GPR35: variants seen among roughly 807,000 people sequenced by gnomAD.
The protein encoded by GPR35 is KYNA receptor.
For missense variants in GPR35, 372 were observed against 422.5 expected (o/e 0.88, Z 1.05); for synonymous variants, 207 against 198.4 (o/e 1.04, Z -0.36).
intron 1 of GPR35, chr2:240,628,599 C>T (rs111471799): frequency 0.017 from 2,565 of 152,366 alleles, 36 homozygotes; most frequent in Non-Finnish European, 0.024. Context: ...TGGGGAAATG[C>T]GTCCCAGCAC....
chr2:240,630,817 C>T lies in GPR35; in HGVS notation c.865C>T (p.Leu289=). The T allele has an allele frequency of 6.2e-7, 1 of 1,613,310 alleles. No homozygotes were observed. The highest frequency in any genetic ancestry group is 1.1e-5 in the South Asian group (1 of 91,086). ...MAKEFQEASA[L]AVAPSAKAHK... is the part of the protein sequence containing the mutation. ...CAAGGAGTTCCAGGAGGCGTCTGCA[C>T]TGGCCGTGGCTCCCAGTGCTAAGGC... The change falls in exon 2 of 2, where the codon CTG becomes TTG. Residue 289 remains leucine (L), a synonymous_variant. Coordinates refer to ENST00000407714, the MANE Select transcript of GPR35 (RefSeq NM_005301.5).
At chr2:240,629,290 G>A (rs924784264) in intron 1 of GPR35, 3 of 152,590 alleles carry the variant, frequency 2.0e-5, no homozygotes, top group South Asian at 4.1e-4. Flanking sequence ...CTGATCCCAG[G>A]TGTGGGACTG....
rs143712491 is a variant in GPR35, at chr2:240,630,358, G to A, written c.406G>A (p.Val136Met). The A allele has an allele frequency of 4.9e-5, 78 of 1,606,058 alleles. No homozygotes were observed. The African/African-American group carries it at 5.9e-4, about 12-fold the overall frequency. Residue 136 changes from valine to methionine, a missense_variant, in exon 2 of 2, where the codon GTG becomes ATG. Val to Met is a conservative substitution (Grantham distance 21). Transcript: ENST00000407714. ...GCGGTCCCCCAGGCAGGCTGCGGCC[G>A]TGTGCGCGGTCCTCTGGGTGCTGGT... is the stretch of plus-strand genomic sequence containing the variant. ...GLRSPRQAAAVCAVLWVLVIG... is the reference protein window; with the variant it reads ...GLRSPRQAAAMCAVLWVLVIG...
chr2:240,620,119 G>GGCA (rs1337725232), intron 5 of GPR35, among the ~76,000 whole-genome samples: 2 of 152,156 alleles, frequency 1.3e-5, no homozygotes, highest in Admixed American at 1.3e-4. Flanking sequence ...ACCTGGCTGG[G>GGCA]GCAGCACCCA....
chr2:240,631,405 A>C lies in GPR35; in HGVS notation c.*523A>C. ...GACCCTTTCACCCCTTCCCACCCCC[A>C]CCCACCTGGAGCGTGAGCAGGGGCT... On this transcript the variant is annotated 3_prime_UTR_variant, in exon 2 of 2. Transcript: ENST00000407714. The C allele has an allele frequency of 6.2e-6, 1 of 160,074 alleles. No homozygotes were observed. Among genetic ancestry groups the C allele is most frequent in the Non-Finnish European group, 1.4e-5 (1 of 71,354 alleles). The allele number at this position is 160,074 out of a possible 1,614,324, so 9.9% of individuals were successfully genotyped here.
chr2:240,629,636 G>T, intron 1 of GPR35: 1 of 294,502 alleles, frequency 3.4e-6, no homozygotes, highest in Admixed American at 4.6e-5. Context: ...CTGGAGGGTA[G>T]GGCTTGCTGG....
intron 5 of GPR35, chr2:240,619,088 T>C (rs1460813680): frequency 1.5e-5 from 10 of 688,466 alleles, no homozygotes; most frequent in South Asian, 1.4e-4. Flanking sequence ...CATCTCTAAT[T>C]TGGCTAAAGA....
rs1339230270 is a variant in GPR35, at chr2:240,630,889, T to TGCTGTGGGC, written c.*17_*25dup. 5.0e-6 allele frequency: 8 copies of TGCTGTGGGC among 1,603,418 alleles called. No individual in the cohort carries two copies. Among genetic ancestry groups the TGCTGTGGGC allele is most frequent in the South Asian group, 1.1e-5 (1 of 90,922 alleles). On this transcript the variant is annotated 3_prime_UTR_variant, in exon 2 of 2. Coordinates refer to ENST00000407714, the MANE Select transcript of GPR35 (RefSeq NM_005301.5). Reference sequence around the variant, plus strand: ...GTGCGTGACCCTCGCCTAAGAGGCGTGCTGTGGGCGCTGTGGGCCAGGTCT... The same window carrying TGCTGTGGGC: ...GTGCGTGACCCTCGCCTAAGAGGCGTGCTGTGGGCGCTGTGGGCGCTGTGGGCCAGGTCT...
intron 2 of GPR35, among the ~76,000 whole-genome samples, chr2:240,607,751 C>T (rs139512041): frequency 4.3e-4 from 65 of 151,820 alleles, no homozygotes; most frequent in African/African-American, 1.5e-3. Context: ...TGGTAAATGC[C>T]TTAGGATTTT....
intron 1 of GPR35, 158 bp from the exon 2 acceptor site, chr2:240,629,791 A>G: frequency 1.6e-6 from 1 of 624,204 alleles, no homozygotes; most frequent in Non-Finnish European, 2.8e-6. Context: ...GGAGTTCTTT[A>G]CGGCACCCAT....
upstream of GPR35, among the ~76,000 whole-genome samples, chr2:240,621,808 A>G (rs2043298801): frequency 6.6e-6 from 1 of 152,238 alleles, no homozygotes; most frequent in Non-Finnish European, 1.5e-5. Context: ...ACTTTTTCTC[A>G]TACAGGGGTC....
At chr2:240,626,238 TG>T (rs1367202214) in intron 1 of GPR35, among the ~76,000 whole-genome samples, 4 of 72,528 alleles carry the variant, frequency 5.5e-5, no homozygotes, top group Non-Finnish European at 1.1e-4. Flanking sequence ...GAGGCTGTGA[TG>T]GGGGTCTCAG....
At chr2:240,606,049 C>T (rs1253878159) in intron 1 of GPR35, among the ~76,000 whole-genome samples, 1 of 152,168 alleles carries the variant, frequency 6.6e-6, no homozygotes, top group Admixed American at 6.5e-5. Flanking sequence ...AGCTTGCAGG[C>T]CATCTGGTTA....
Position 240,631,155 on chromosome 2 carries a change from C to T in GPR35, c.*273C>T, listed in dbSNP as rs1052494434. 1.8e-5 allele frequency: 9 copies of T among 509,296 alleles called. No homozygotes were observed. Among genetic ancestry groups the T allele is most frequent in the South Asian group, 1.6e-4 (6 of 36,832 alleles). 31.5% of individuals were successfully genotyped at this position (509,296 alleles called of 1,614,324 possible). A position where few individuals can be genotyped will look rare whatever the true frequency, so the allele number is the denominator to read the frequency against. ...TCACACTTGCCACCCCCAGAACCAG[C>T]TCACCTGGCCAGAGTGGGTTCCTGC... On this transcript the variant is annotated 3_prime_UTR_variant, in exon 2 of 2. Transcript: ENST00000407714.
rs1167172779 is a variant in GPR35, at chr2:240,632,784, A to G, written c.*1902A>G. ...GAGGGCCCCATGCCTAAAAGTGTCCATGCCCAGGAAGGTCCATGTCCAGAA... is the reference window on the plus strand; with the variant it reads ...GAGGGCCCCATGCCTAAAAGTGTCCGTGCCCAGGAAGGTCCATGTCCAGAA... On this transcript the variant is annotated 3_prime_UTR_variant, in exon 2 of 2. Coordinates refer to ENST00000407714, the MANE Select transcript of GPR35 (RefSeq NM_005301.5). Among the ~76,000 whole-genome samples the G allele has an allele frequency of 6.6e-6, 1 of 152,162 alleles. No homozygotes were observed. Among genetic ancestry groups the G allele is most frequent in the African/African-American group, 2.4e-5 (1 of 41,446 alleles).
chr2:240,613,501 C>T (rs2043206393), intron 2 of GPR35, among the ~76,000 whole-genome samples: 1 of 152,066 alleles, frequency 6.6e-6, no homozygotes, highest in Admixed American at 6.5e-5. Flanking sequence ...TGGCCTGGAA[C>T]CCTAACCTGA....
At chr2:240,620,580 C>A (rs1423271640), upstream of GPR35, among the ~76,000 whole-genome samples, 3 of 152,138 alleles carry the variant, frequency 2.0e-5, no homozygotes, top group Non-Finnish European at 4.4e-5. Context: ...GGATCCCTTC[C>A]AGACCCCTGG....
intron 1 of GPR35, among the ~76,000 whole-genome samples, chr2:240,625,773 T>G (rs1472494258): frequency 8.6e-6 from 1 of 116,770 alleles, no homozygotes. Context: ...GTGATGGGGG[T>G]CTCAGAGCAG....
At chr2:240,615,789 A>G (rs1387812450) in intron 2 of GPR35, among the ~76,000 whole-genome samples, 1 of 152,264 alleles carries the variant, frequency 6.6e-6, no homozygotes, top group East Asian at 1.9e-4. Context: ...CATTTTCTCT[A>G]CTTCTACAAT....
Sources: gnomAD v4.1 joint callset for allele counts (sites outside exome capture counted in the v4.1 genomes callset) on GRCh38, gnomAD v4.1.1 for gene constraint, MANE v1.5 for transcripts, NCBI Gene and HGNC (gene_info 2026-07-23, HGNC 2026-07-21) for gene names.